SLX4IP: variants seen among roughly 807,000 people sequenced by gnomAD.
The protein encoded by SLX4IP is protein SLX4IP.
In SLX4IP, 34 loss-of-function variants were observed where a neutral mutation model predicts 32.9. The ratio of observed to expected loss-of-function variants is 1.03; its 90% confidence interval spans 0.79 to 1.38. The LOEUF (loss-of-function observed/expected upper bound fraction) is 1.38, where lower values mean the gene tolerates loss of function less well. SLX4IP is among the 40% of genes most tolerant of loss of function. The pLI is 0.00. For synonymous variants in SLX4IP, 172 were observed against 171.7 expected, an observed-to-expected ratio of 1.00 and a Z score of -0.01; for missense variants, 444 against 479.0, an observed-to-expected ratio of 0.93 and a Z score of 0.68.
intron 1 of SLX4IP, among the ~76,000 whole-genome samples, chr20:10,451,049 G>T (rs1174159611): frequency 4.0e-5 from 6 of 149,528 alleles, no homozygotes; most frequent in Admixed American, 1.4e-4. Flanking sequence ...ACCGTGCCCG[G>T]CAGGCCTAGT....
At chr20:10,505,084 G>A (rs893967236) in intron 2 of SLX4IP, among the ~76,000 whole-genome samples, 5 of 152,214 alleles carry the variant, frequency 3.3e-5, no homozygotes, top group African/African-American at 1.2e-4. Flanking sequence ...CTCACATTAA[G>A]TGATTTATTT....
chr20:10,457,580 C>A (rs932356276), intron 1 of SLX4IP, among the ~76,000 whole-genome samples: 18 of 151,516 alleles, frequency 1.2e-4, no homozygotes, highest in African/African-American at 4.4e-4. Flanking sequence ...GGTGTATAAT[C>A]TTTTTTACAT....
In SLX4IP at chr20:10,613,438, A is replaced by G. The variant is rs2066991197; in HGVS notation, c.406-7876A>G. Reference sequence around the variant, plus strand: ...GACCTTTGAAGAGAAAAATTCCATTATTTCTTTTTTTTCTTGAGAGCAGAT... The same window carrying G: ...GACCTTTGAAGAGAAAAATTCCATTGTTTCTTTTTTTTCTTGAGAGCAGAT... On this transcript the variant is annotated intron_variant, in intron 6 of 7. Transcript: ENST00000334534. The G allele has an allele frequency of 2.5e-6, 4 of 1,588,750 alleles. No individual in the cohort carries two copies. The East Asian group carries it at 8.9e-5, about 36-fold the overall frequency.
chr20:10,515,989 A>G (rs1398782723), intron 2 of SLX4IP, among the ~76,000 whole-genome samples: 1 of 152,164 alleles, frequency 6.6e-6, no homozygotes, highest in Non-Finnish European at 1.5e-5. Flanking sequence ...CCAGGGCTCA[A>G]GTGATCCTCC....
At chr20:10,518,398 T>TC (rs2065868998) in intron 2 of SLX4IP, among the ~76,000 whole-genome samples, 2 of 108,828 alleles carry the variant, frequency 1.8e-5, no homozygotes, top group East Asian at 4.7e-4. Context: ...TTCCTTTCTT[T>TC]CTTTCTTTCC....
chr20:10,458,114 T>C, intron 1 of SLX4IP, 62 bp from the exon 2 acceptor site: 2 of 1,045,400 alleles, frequency 1.9e-6, no homozygotes, highest in East Asian at 2.7e-5. Context: ...CTTTTTCCTG[T>C]ATAATATCCA....
Position 10,625,537 on chromosome 20 carries a change from T to C in SLX4IP, c.*2158T>C, listed in dbSNP as rs1398494057. 1 of 152,260 alleles carries C rather than the reference T, an allele frequency of 6.6e-6. No individual in the cohort carries two copies. Among genetic ancestry groups the C allele is most frequent in the African/African-American group, 2.4e-5 (1 of 41,472 alleles). The allele number at this position is 152,260 out of a possible 1,614,324, so 9.4% of individuals were successfully genotyped here. On this transcript the variant is annotated 3_prime_UTR_variant, in exon 8 of 8. Coordinates refer to ENST00000334534, the MANE Select transcript of SLX4IP (RefSeq NM_001009608.3). ...CTTTCTCTGAAGTATCACTCTGGTA[T>C]TGAGAAATTTTTATTTCATTAGCTA...
chr20:10,455,611 ATTTATTTATTTATTTT>A (rs1016410744), intron 1 of SLX4IP, among the ~76,000 whole-genome samples: 6 of 148,680 alleles, frequency 4.0e-5, no homozygotes, highest in African/African-American at 1.3e-4. Flanking sequence ...TTATTTATTT[ATTTATTTATTTATTTT>A]GAGACAGAGT....
In SLX4IP at chr20:10,627,528, C is replaced by T. The variant is rs2067187097; in HGVS notation, c.*4149C>T. 6.6e-6 allele frequency: 1 copy of T among 152,096 alleles called. No homozygotes were observed. 9.4% of individuals were successfully genotyped at this position (152,096 alleles called of 1,614,324 possible). A position where few individuals can be genotyped will look rare whatever the true frequency, so the allele number is the denominator to read the frequency against. On this transcript the variant is annotated 3_prime_UTR_variant, in exon 8 of 8. Coordinates refer to ENST00000334534, the MANE Select transcript of SLX4IP (RefSeq NM_001009608.3). ...AATCTGCAGGACTCACTCTAATTTGCTTTCTATATTTATTTACAAGACAGG... is the reference window on the plus strand; with the variant it reads ...AATCTGCAGGACTCACTCTAATTTGTTTTCTATATTTATTTACAAGACAGG...
At position 10,502,443 on chromosome 20, in the gene SLX4IP, C is replaced by T. The variant is rs574920365; in HGVS notation, c.27+44212C>T. 4.5e-4 allele frequency among the ~76,000 whole-genome samples: 68 copies of T among 152,350 alleles called. No homozygotes were observed. In the South Asian group the frequency reaches 0.013, roughly 29 times the overall value. On this transcript the variant is annotated intron_variant, in intron 2 of 7. Coordinates refer to ENST00000334534, the MANE Select transcript of SLX4IP (RefSeq NM_001009608.3). ...GCAAAGCCCATGCCCTCAGGCCTTCCGATCTGACTCTTCTCTGTGCATGTG... is the reference window on the plus strand; with the variant it reads ...GCAAAGCCCATGCCCTCAGGCCTTCTGATCTGACTCTTCTCTGTGCATGTG...
chr20:10,437,653 CATCT>C (rs1180516357), intron 1 of SLX4IP, among the ~76,000 whole-genome samples: 7 of 152,200 alleles, frequency 4.6e-5, no homozygotes, highest in Non-Finnish European at 8.8e-5. Context: ...CTCCTCCCTC[CATCT>C]ATTAATTGGG....
intron 2 of SLX4IP, among the ~76,000 whole-genome samples, chr20:10,521,877 G>A (rs1345914839): frequency 6.6e-6 from 1 of 152,206 alleles, no homozygotes; most frequent in Non-Finnish European, 1.5e-5. Flanking sequence ...GCAGAGATGG[G>A]CACACTGTGA....
intron 2 of SLX4IP, among the ~76,000 whole-genome samples, chr20:10,504,835 C>T (rs1268894124): frequency 6.6e-6 from 1 of 152,056 alleles, no homozygotes; most frequent in East Asian, 1.9e-4. Context: ...TCCATACCCC[C>T]AAAGTGAATT....
At chr20:10,460,722 G>C (rs1182562452) in intron 2 of SLX4IP, among the ~76,000 whole-genome samples, 3 of 152,178 alleles carry the variant, frequency 2.0e-5, no homozygotes, top group Non-Finnish European at 2.9e-5. Flanking sequence ...CCTAGAGTCA[G>C]GGGAAGCTGC....
chr20:10,458,468 A>G (rs1011364226), intron 2 of SLX4IP, among the ~76,000 whole-genome samples: 10 of 152,112 alleles, frequency 6.6e-5, no homozygotes, highest in African/African-American at 2.4e-4. Context: ...CCCATGACTT[A>G]GGTATTAAGC....
At chr20:10,589,955 A>T in intron 4 of SLX4IP, among the ~76,000 whole-genome samples, 1 of 151,860 alleles carries the variant, frequency 6.6e-6, no homozygotes. Flanking sequence ...TTTACTTTGA[A>T]TTTTTTTTAA....
At chr20:10,599,840 T>C (rs887198670) in intron 5 of SLX4IP, among the ~76,000 whole-genome samples, 20 of 152,202 alleles carry the variant, frequency 1.3e-4, no homozygotes, top group African/African-American at 4.8e-4. Flanking sequence ...AGTACAACTC[T>C]CAATAATGAC....
intron 6 of SLX4IP, among the ~76,000 whole-genome samples, chr20:10,606,069 A>C (rs568352510): frequency 4.5e-4 from 68 of 152,262 alleles, no homozygotes; most frequent in South Asian, 1.0e-3. Flanking sequence ...ATTATCTCAA[A>C]AATCTTTTCT....
intron 2 of SLX4IP, among the ~76,000 whole-genome samples, chr20:10,539,248 G>A (rs545260281): frequency 6.6e-6 from 1 of 152,272 alleles, no homozygotes; most frequent in African/African-American, 2.4e-5. Context: ...AAAAGAGACT[G>A]AAGGAAGAAA....
Sources: gnomAD v4.1 joint callset for allele counts (sites outside exome capture counted in the v4.1 genomes callset) on GRCh38, gnomAD v4.1.1 for gene constraint, MANE v1.5 for transcripts, NCBI Gene and HGNC (gene_info 2026-07-23, HGNC 2026-07-21) for gene names.